Variants in ROBO2 observed in about 807,000 individuals in gnomAD.
ROBO2 encodes roundabout guidance receptor 2.
In ROBO2, 53 loss-of-function variants were observed where a neutral mutation model predicts 160.8. The ratio of observed to expected loss-of-function variants is 0.33; its 90% confidence interval spans 0.26 to 0.41. The LOEUF is 0.41. Ranked by LOEUF, ROBO2 falls within the 10% of genes least tolerant of loss-of-function variation. The pLI, the probability that ROBO2 is intolerant of heterozygous loss-of-function variation, is 1.00. For synonymous variants in ROBO2, 664 were observed against 611.7 expected, an observed-to-expected ratio of 1.09 and a Z score of -1.26; for missense variants, 1,577 against 1,722.4, an observed-to-expected ratio of 0.92 and a Z score of 1.49.
chr3:75,998,575 G>C (rs1054672027), intron 2 of ROBO2, among the ~76,000 whole-genome samples: 2 of 152,118 alleles, frequency 1.3e-5, no homozygotes, highest in Non-Finnish European at 2.9e-5. Flanking sequence ...TATATCCTAA[G>C]TATTTATATG....
intron 2 of ROBO2, among the ~76,000 whole-genome samples, chr3:76,313,683 A>C (rs2071760227): frequency 6.6e-6 from 1 of 152,096 alleles, no homozygotes; most frequent in Non-Finnish European, 1.5e-5. Flanking sequence ...TAAAACAGAT[A>C]CTCTATTTCT....
intron 2 of ROBO2, among the ~76,000 whole-genome samples, chr3:76,899,334 G>T (rs2075054027): frequency 6.6e-6 from 1 of 152,028 alleles, no homozygotes; most frequent in African/African-American, 2.4e-5. Flanking sequence ...TCATGTATGT[G>T]TGATGGTTAT....
intron 2 of ROBO2, among the ~76,000 whole-genome samples, chr3:76,126,495 A>T (rs1373885314): frequency 6.6e-6 from 1 of 152,102 alleles, no homozygotes; most frequent in Non-Finnish European, 1.5e-5. Context: ...TGTTTAAAAA[A>T]ACCACCTGGA....
intron 2 of ROBO2, among the ~76,000 whole-genome samples, chr3:77,359,837 C>G (rs182453281): frequency 6.6e-6 from 1 of 152,086 alleles, no homozygotes; most frequent in African/African-American, 2.4e-5. Context: ...TGCCACCACA[C>G]TCACCAAATA....
At chr3:76,738,019 AG>A (rs1432287464) in intron 2 of ROBO2, among the ~76,000 whole-genome samples, 1 of 152,108 alleles carries the variant, frequency 6.6e-6, no homozygotes, top group Non-Finnish European at 1.5e-5. Flanking sequence ...CTGTAGTCCT[AG>A]CTACCTGGGA....
At chr3:76,293,905 G>A (rs956685421) in intron 2 of ROBO2, among the ~76,000 whole-genome samples, 2 of 152,156 alleles carry the variant, frequency 1.3e-5, no homozygotes, top group African/African-American at 4.8e-5. Context: ...AGGGCCTCCT[G>A]CCACCATTCA....
At chr3:76,384,186 G>A (rs1045260253) in intron 2 of ROBO2, among the ~76,000 whole-genome samples, 4 of 152,186 alleles carry the variant, frequency 2.6e-5, no homozygotes, top group Non-Finnish European at 5.9e-5. Flanking sequence ...TTTCTAAGTG[G>A]TTTTCTTGTA....
At chr3:76,430,536 G>T (rs1025448572) in intron 2 of ROBO2, among the ~76,000 whole-genome samples, 1 of 151,546 alleles carries the variant, frequency 6.6e-6, no homozygotes, top group Non-Finnish European at 1.5e-5. Flanking sequence ...ATTGTATTCT[G>T]TTCCATATCA....
intron 2 of ROBO2, among the ~76,000 whole-genome samples, chr3:76,079,469 A>AT (rs1205990318): frequency 2.9e-5 from 4 of 139,414 alleles, no homozygotes; most frequent in African/African-American, 8.3e-5. Context: ...TTATTTATTT[A>AT]TTATTATTAT....
chr3:77,241,827 A>G (rs987835053), intron 2 of ROBO2, among the ~76,000 whole-genome samples: 4 of 152,206 alleles, frequency 2.6e-5, no homozygotes, highest in Non-Finnish European at 4.4e-5. Flanking sequence ...AGAAAAGATC[A>G]TCCATTTGTA....
intron 2 of ROBO2, among the ~76,000 whole-genome samples, chr3:76,074,451 G>T (rs954480037): frequency 1.3e-5 from 2 of 152,160 alleles, no homozygotes; most frequent in African/African-American, 4.8e-5. Flanking sequence ...AGTGAATGTG[G>T]CCCGATTAAT....
intron 2 of ROBO2, among the ~76,000 whole-genome samples, chr3:76,151,980 T>C (rs2072226609): frequency 6.6e-6 from 1 of 152,184 alleles, no homozygotes; most frequent in Non-Finnish European, 1.5e-5. Flanking sequence ...ACTATGCCAA[T>C]ATTAAAATAA....
intron 24 of ROBO2, among the ~76,000 whole-genome samples, chr3:77,640,879 T>C (rs1262683247): frequency 6.6e-6 from 1 of 152,248 alleles, no homozygotes; most frequent in Non-Finnish European, 1.5e-5. Context: ...TATGAAGCTA[T>C]ATAATTTTAG....
At chr3:76,825,729 T>G (rs1265981059) in intron 2 of ROBO2, among the ~76,000 whole-genome samples, 4 of 151,508 alleles carry the variant, frequency 2.6e-5, no homozygotes. Flanking sequence ...ATTATCAGTG[T>G]GAGTAGTGAG....
At chr3:76,058,589 C>CT (rs10676074) in intron 2 of ROBO2, among the ~76,000 whole-genome samples, 2,333 of 48,848 alleles carry the variant, frequency 0.048, 329 homozygotes, top group African/African-American at 0.18. Flanking sequence ...ACAGCAGAAA[C>CT]TTTTTTTTTT....
intron 2 of ROBO2, among the ~76,000 whole-genome samples, chr3:76,633,602 C>T (rs1239294382): frequency 6.6e-6 from 1 of 152,154 alleles, no homozygotes; most frequent in East Asian, 1.9e-4. Flanking sequence ...GACCTGGGAA[C>T]ATGGCCTGGT....
At chr3:77,131,773 C>G (rs1205526124) in intron 2 of ROBO2, among the ~76,000 whole-genome samples, 1 of 151,996 alleles carries the variant, frequency 6.6e-6, no homozygotes, top group African/African-American at 2.4e-5. Context: ...AGTCTCCATT[C>G]TCTTTTTATA....
At chr3:76,153,901 A>T (rs2072304990) in intron 2 of ROBO2, among the ~76,000 whole-genome samples, 1 of 152,134 alleles carries the variant, frequency 6.6e-6, no homozygotes, top group Admixed American at 6.6e-5. Context: ...ACTGCAGAGG[A>T]AGCTGGTGCC....
chr3:76,716,257 G>A (rs2093377074), intron 2 of ROBO2, among the ~76,000 whole-genome samples: 2 of 152,232 alleles, frequency 1.3e-5, no homozygotes, highest in Admixed American at 6.5e-5. Context: ...TGTTTTTGGA[G>A]TCTCTATCAA....
Sources: allele counts gnomAD v4.1 joint callset (sites outside exome capture counted in the v4.1 genomes callset), GRCh38; gene constraint gnomAD v4.1.1; transcripts MANE v1.5; gene names NCBI Gene and HGNC (gene_info 2026-07-23, HGNC 2026-07-21).